The following CSGALNACT1 variants were observed in gnomAD, a reference collection of about 807,000 sequenced individuals.
CSGALNACT1 encodes the protein beta4GalNAcT-1.
A neutral mutation model predicts 51.0 loss-of-function variants in CSGALNACT1; 52 were observed. That is an observed-to-expected ratio of 1.02 (90% CI 0.82 to 1.29). The LOEUF is 1.29. Among genes scored for constraint, CSGALNACT1 ranks in the 50% most tolerant of loss-of-function variants. The probability of loss-of-function intolerance (pLI) is 0.00; values close to 1 mark genes in which losing one functional copy is unlikely to be tolerated. For synonymous variants in CSGALNACT1, 341 were observed against 254.4 expected (o/e 1.34, Z -3.24); for missense variants, 935 against 679.2 (o/e 1.38, Z -4.19).
intron 3 of CSGALNACT1, among the ~76,000 whole-genome samples, chr8:19,589,153 T>C (rs1322685965): frequency 6.6e-6 from 1 of 152,220 alleles, no homozygotes; most frequent in African/African-American, 2.4e-5. Flanking sequence ...ATCCCTGATT[T>C]CTATTCATTT....
chr8:19,435,458 A>C (rs892946042), intron 6 of CSGALNACT1, among the ~76,000 whole-genome samples: 4 of 149,914 alleles, frequency 2.7e-5, no homozygotes, highest in African/African-American at 9.9e-5. Flanking sequence ...GTGCCACTGC[A>C]CTCCAGCCTG....
intron 4 of CSGALNACT1, among the ~76,000 whole-genome samples, chr8:19,475,944 C>T (rs750263101): frequency 2.6e-5 from 4 of 152,130 alleles, no homozygotes; most frequent in Non-Finnish European, 4.4e-5. Context: ...ATTTCCACAA[C>T]AACACAGATA....
At chr8:19,464,262 C>T (rs2153831369) in intron 4 of CSGALNACT1, among the ~76,000 whole-genome samples, 1 of 152,338 alleles carries the variant, frequency 6.6e-6, no homozygotes, top group East Asian at 1.9e-4. Context: ...TGCCAACCCA[C>T]ATCCTGGCCT....
At position 19,442,193 on chromosome 8, in the gene CSGALNACT1, G is replaced by A. The variant is rs369530579; in HGVS notation, c.852-2262C>T. ...TCAGGGATCTAGAACTAGAAATACC[G>A]TTTGACCCAGCCATCCCATTACTGG... On this transcript the variant is annotated intron_variant, in intron 5 of 9. Coordinates refer to ENST00000454498, the Ensembl canonical transcript of CSGALNACT1. 3.6e-4 allele frequency among the ~76,000 whole-genome samples: 55 copies of A among 152,200 alleles called. No individual in the cohort carries two copies. The East Asian group carries it at 5.0e-3, about 14-fold the overall frequency.
At chr8:19,737,543 C>T (rs919045783) in intron 1 of CSGALNACT1, among the ~76,000 whole-genome samples, 12 of 149,740 alleles carry the variant, frequency 8.0e-5, no homozygotes, top group African/African-American at 3.0e-4. Flanking sequence ...AAGAGAACAA[C>T]TGGAAAAACA....
intron 4 of CSGALNACT1, among the ~76,000 whole-genome samples, chr8:19,492,998 A>G (rs2074691451): frequency 6.6e-6 from 1 of 152,152 alleles, no homozygotes; most frequent in African/African-American, 2.4e-5. Flanking sequence ...AAGCACTGAC[A>G]TAAGTGAGAA....
chr8:19,418,900 A>G (rs1009061013), intron 7 of CSGALNACT1, 150 bp from the exon 7 acceptor site: 2 of 694,484 alleles, frequency 2.9e-6, no homozygotes, highest in East Asian at 5.4e-5. Context: ...AGGCTGCAAT[A>G]GAGTGGCACA....
At chr8:19,604,578 T>C (rs551164132), upstream of CSGALNACT1, among the ~76,000 whole-genome samples, 136 of 152,176 alleles carry the variant, frequency 8.9e-4, no homozygotes, top group African/African-American at 3.2e-3. Context: ...CACCTTCACC[T>C]ACAGGACTTA....
chr8:19,457,871 G>C lies in CSGALNACT1; in HGVS notation c.851+555C>G, dbSNP rs1279183121. The C allele has an allele frequency of 1.4e-5, 16 of 1,174,392 alleles. No individual in the cohort carries two copies. The Admixed American group carries it at 2.8e-4, about 21-fold the overall frequency. The allele number at this position is 1,174,392 out of a possible 1,614,324, so 72.7% of individuals were successfully genotyped here. ...TGAGTAGCTACAAAAATGTGGGCTTGAAACCTTCTTGGTATAATTCTACAC... is the reference window on the plus strand; with the variant it reads ...TGAGTAGCTACAAAAATGTGGGCTTCAAACCTTCTTGGTATAATTCTACAC... On this transcript the variant is annotated intron_variant, in intron 5 of 9. Coordinates refer to ENST00000454498, the Ensembl canonical transcript of CSGALNACT1.
intron 3 of CSGALNACT1, among the ~76,000 whole-genome samples, chr8:19,524,548 T>A (rs1294905594): frequency 6.6e-6 from 1 of 152,188 alleles, no homozygotes; most frequent in Non-Finnish European, 1.5e-5. Context: ...ATTTTTTTAA[T>A]ATTAGTTCCT....
intron 4 of CSGALNACT1, among the ~76,000 whole-genome samples, chr8:19,504,478 TAAGTTA>T (rs2076952826): frequency 1.3e-5 from 2 of 152,204 alleles, no homozygotes; most frequent in East Asian, 3.8e-4. Flanking sequence ...TAACAATAGA[TAAGTTA>T]AAAAGACATT....
chr8:19,504,665 G>A (rs1022055212), intron 4 of CSGALNACT1, among the ~76,000 whole-genome samples: 2 of 152,196 alleles, frequency 1.3e-5, no homozygotes, highest in Non-Finnish European at 2.9e-5. Context: ...CATGGACTCT[G>A]GAGTTAAGAC....
chr8:19,457,836 T>G lies in CSGALNACT1; in HGVS notation c.851+590A>C, dbSNP rs1218009172. 9 of 1,347,784 alleles carry G rather than the reference T, an allele frequency of 6.7e-6. No homozygotes were observed. The African/African-American group carries it at 1.2e-4, about 18-fold the overall frequency. 83.5% of individuals were successfully genotyped at this position (1,347,784 alleles called of 1,614,324 possible). On this transcript the variant is annotated intron_variant, in intron 5 of 9. Transcript: ENST00000454498. Reference sequence around the variant, plus strand: ...GCAGGCCTGAAAAATGAAACCCAGCTTAGTCTCATTGAGTAGCTACAAAAA... The same window carrying G: ...GCAGGCCTGAAAAATGAAACCCAGCGTAGTCTCATTGAGTAGCTACAAAAA...
At chr8:19,569,437 C>G (rs539111612) in intron 3 of CSGALNACT1, among the ~76,000 whole-genome samples, 1 of 151,956 alleles carries the variant, frequency 6.6e-6, no homozygotes, top group African/African-American at 2.4e-5. Context: ...TACAATAAAG[C>G]TTTTTGAACC....
intron 6 of CSGALNACT1, among the ~76,000 whole-genome samples, chr8:19,422,231 C>A (rs1022822021): frequency 1.3e-5 from 2 of 152,044 alleles, no homozygotes; most frequent in Non-Finnish European, 2.9e-5. Context: ...GCTCTGTCAC[C>A]CAGGCTGGAG....
At chr8:19,694,707 T>G (rs1552783) in intron 1 of CSGALNACT1, among the ~76,000 whole-genome samples, 38,809 of 152,126 alleles carry the variant, frequency 0.26, 5,256 homozygotes, top group Middle Eastern at 0.37. Context: ...ACTACCTTAA[T>G]AAGGGCTTCT....
chr8:19,452,537 G>C (rs539941549), intron 5 of CSGALNACT1, among the ~76,000 whole-genome samples: 67 of 152,190 alleles, frequency 4.4e-4, no homozygotes, highest in African/African-American at 1.4e-3. Context: ...CATGCTGAGA[G>C]CTGATGACAT....
intron 3 of CSGALNACT1, among the ~76,000 whole-genome samples, chr8:19,572,522 C>T (rs937091938): frequency 1.3e-5 from 2 of 152,192 alleles, no homozygotes; most frequent in Non-Finnish European, 2.9e-5. Flanking sequence ...AAGGGAAAGG[C>T]TTCCTTGGCC....
At chr8:19,588,292 A>G (rs751497512) in intron 3 of CSGALNACT1, among the ~76,000 whole-genome samples, 8 of 152,228 alleles carry the variant, frequency 5.3e-5, no homozygotes, top group African/African-American at 9.6e-5. Flanking sequence ...TGCCATAGGC[A>G]GGGTATTCAA....
Sources: allele counts gnomAD v4.1 joint callset (sites outside exome capture counted in the v4.1 genomes callset), GRCh38; gene constraint gnomAD v4.1.1; transcripts MANE v1.5; gene names NCBI Gene and HGNC (gene_info 2026-07-23, HGNC 2026-07-21).